Variants in LRIG2 observed in about 807,000 individuals in gnomAD.
LRIG2 encodes the protein leucine rich repeats and immunoglobulin like domains 2.
Under a neutral mutation model 107.8 loss-of-function variants are expected in LRIG2, and 93 were observed. The observed-to-expected ratio is 0.86, with a 90% CI of 0.73 to 1.03. The LOEUF is 1.03. Ranked by LOEUF, LRIG2 falls within the 50% of genes least tolerant of loss-of-function variation. The probability of loss-of-function intolerance (pLI) is 0.00; values close to 1 mark genes in which losing one functional copy is unlikely to be tolerated. For synonymous variants in LRIG2, 471 were observed against 470.6 expected, an observed-to-expected ratio of 1.00 and a Z score of -0.01; for missense variants, 1,226 against 1,296.0, an observed-to-expected ratio of 0.95 and a Z score of 0.83.
chr1:113,110,091 C>G (rs1654705678), intron 12 of LRIG2, 151 bp from the exon 13 acceptor site: 2 of 573,540 alleles, frequency 3.5e-6, no homozygotes, highest in Non-Finnish European at 6.0e-6. Flanking sequence ...CATCTTTAAA[C>G]AAGGGAATTG....
At chr1:113,088,153 A>T (rs1223789048) in intron 1 of LRIG2, among the ~76,000 whole-genome samples, 3 of 152,152 alleles carry the variant, frequency 2.0e-5, no homozygotes, top group Non-Finnish European at 2.9e-5. Flanking sequence ...ATCTTAATAA[A>T]TGTGGGTTTG....
rs1249067262 is a variant in LRIG2 at position 113,095,860 on chromosome 1, C to T, written c.804-14C>T. On this transcript the variant is annotated splice_polypyrimidine_tract_variant and intron_variant, in intron 6 of 17. Transcript: ENST00000361127. ...TTTTGGAACGTATTTTCTTCTCTTT[C>T]TCTAATTCTGCAGAGAACTGGAACA... The T allele has an allele frequency of 5.6e-6, 9 of 1,613,994 alleles. No homozygotes were observed. Among genetic ancestry groups the T allele is most frequent in the Non-Finnish European group, 5.9e-6 (7 of 1,179,902 alleles).
At chr1:113,121,683 C>T (rs957474447) in intron 17 of LRIG2, among the ~76,000 whole-genome samples, 3 of 150,712 alleles carry the variant, frequency 2.0e-5, no homozygotes, top group Non-Finnish European at 3.0e-5. Context: ...GCGGAGCTTG[C>T]AGTGAGCTGA....
chr1:113,087,796 G>A (rs182029532), intron 1 of LRIG2, among the ~76,000 whole-genome samples: 16 of 152,292 alleles, frequency 1.1e-4, no homozygotes, highest in African/African-American at 2.4e-4. Flanking sequence ...GAAATTAGGC[G>A]TAAAAGCTAA....
chr1:113,105,074 A>T (rs1008715582), intron 11 of LRIG2, among the ~76,000 whole-genome samples: 1 of 152,028 alleles, frequency 6.6e-6, no homozygotes, highest in Non-Finnish European at 1.5e-5. Flanking sequence ...TGAACCTGGG[A>T]GGTGGAGGTT....
In LRIG2 at chr1:113,095,874, A is replaced by G. The variant is rs761303923; in HGVS notation, c.804A>G (p.Leu268=). 6.2e-7 allele frequency: 1 copy of G among 1,614,182 alleles called. No individual in the cohort carries two copies. Residue 268 remains leucine (L), a splice_region_variant and synonymous_variant, in exon 7 of 18, where the codon CTA becomes CTG. Transcript: ENST00000361127. ...TTCTTCTCTTTCTCTAATTCTGCAGAGAACTGGAACACAACAACCTTACAC... is the reference window on the plus strand; with the variant it reads ...TTCTTCTCTTTCTCTAATTCTGCAGGGAACTGGAACACAACAACCTTACAC... ...AFFGLNNMEE[L]ELEHNNLTRV... is the part of the protein sequence containing the mutation.
intron 8 of LRIG2, among the ~76,000 whole-genome samples, chr1:113,097,951 T>C (rs1265437677): frequency 6.6e-6 from 1 of 152,220 alleles, no homozygotes; most frequent in Non-Finnish European, 1.5e-5. Context: ...ATCTCCTCTT[T>C]ACTGCTAATC....
In LRIG2 at chr1:113,119,445, A is replaced by G. The variant is rs753079976; in HGVS notation, c.2893A>G (p.Asn965Asp). 1.2e-6 allele frequency: 2 copies of G among 1,614,180 alleles called. No individual in the cohort carries two copies. Among genetic ancestry groups the G allele is most frequent in the Non-Finnish European group, 1.7e-6 (2 of 1,180,038 alleles). ...CCTAGAGAGCCTGATACCGTCAGCC[A>G]ACAGAGAGCCATCTGCCTTTCCCAC... ...TALESLIPSA[N>D]REPSAFPTNH... is the part of the protein sequence containing the mutation. Residue 965 changes from asparagine (N) to aspartate (D), a missense_variant, in exon 17 of 18, where the codon AAC becomes GAC. This residue lies in a region of LRIG2 where 642 missense variants were observed against 712.2 expected (regional missense o/e 0.90). Coordinates refer to ENST00000361127, the MANE Select transcript of LRIG2 (RefSeq NM_014813.3).
At chr1:113,119,126 C>CAGAGACTTA in intron 16 of LRIG2, 107 bp from the exon 17 acceptor site, 1 of 995,548 alleles carries the variant, frequency 1.0e-6, no homozygotes, top group Non-Finnish European at 1.5e-6. Flanking sequence ...AAAGTAAGTG[C>CAGAGACTTA]TCAATACATG....
Position 113,125,523 on chromosome 1 carries a change from G to A in LRIG2, c.*1422G>A, listed in dbSNP as rs1655455135. ...TGAGGAAGGTTCAGTCATTCCTTCA[G>A]GAACCAATGAGTTAGATCGGGTTGT... On this transcript the variant is annotated 3_prime_UTR_variant, in exon 18 of 18. Coordinates refer to ENST00000361127, the MANE Select transcript of LRIG2 (RefSeq NM_014813.3). 1 of 152,092 alleles carries A rather than the reference G, an allele frequency of 6.6e-6. No individual in the cohort carries two copies. The highest frequency in any genetic ancestry group is 1.5e-5 in the Non-Finnish European group (1 of 68,016). 9.4% of individuals were successfully genotyped at this position (152,092 alleles called of 1,614,324 possible).
chr1:113,111,718 T>G (rs1654782527), intron 13 of LRIG2, among the ~76,000 whole-genome samples: 1 of 152,248 alleles, frequency 6.6e-6, no homozygotes, highest in Non-Finnish European at 1.5e-5. Flanking sequence ...CCAAAAGATG[T>G]ACTTATGTTT....
chr1:113,094,793 A>T (rs367719999), intron 6 of LRIG2, 38 bp downstream of exon 6: 14 of 1,598,808 alleles, frequency 8.8e-6, no homozygotes, highest in Non-Finnish European at 1.2e-5. Context: ...TTAGGAAAGT[A>T]GTCTGTTTGG....
At chr1:113,095,654 A>G (rs1348353647) in intron 6 of LRIG2, among the ~76,000 whole-genome samples, 2 of 151,752 alleles carry the variant, frequency 1.3e-5, no homozygotes, top group Non-Finnish European at 2.9e-5. Flanking sequence ...TGATCCGCCC[A>G]CCTCGGCCTC....
At chr1:113,123,088 TTTG>T (rs1454390037) in intron 17 of LRIG2, among the ~76,000 whole-genome samples, 2 of 152,172 alleles carry the variant, frequency 1.3e-5, no homozygotes, top group African/African-American at 4.8e-5. Flanking sequence ...TTGACTATCA[TTTG>T]TTGTTAGAAT....
chr1:113,110,630 TGA>T, intron 13 of LRIG2, 68 bp downstream of exon 13: 2 of 1,156,108 alleles, frequency 1.7e-6, no homozygotes, highest in Admixed American at 4.4e-5. Flanking sequence ...TTGAATCACT[TGA>T]GAGAATTAGA....
At chr1:113,092,220 G>A (rs1653860710) in intron 2 of LRIG2, among the ~76,000 whole-genome samples, 1 of 152,176 alleles carries the variant, frequency 6.6e-6, no homozygotes, top group Non-Finnish European at 1.5e-5. Context: ...AACTTTGGTT[G>A]GTTTCCTGAA....
chr1:113,077,187 C>T (rs2101011779), intron 1 of LRIG2, among the ~76,000 whole-genome samples: 1 of 151,908 alleles, frequency 6.6e-6, no homozygotes, highest in Middle Eastern at 3.4e-3. Context: ...CACTTTCGCC[C>T]AGGCTGGAGT....
intron 1 of LRIG2, among the ~76,000 whole-genome samples, chr1:113,082,679 A>T (rs902776799): frequency 6.6e-6 from 1 of 152,074 alleles, no homozygotes; most frequent in Non-Finnish European, 1.5e-5. Flanking sequence ...TTTGAGACGA[A>T]GTCTCTCTCT....
chr1:113,096,376 C>T lies in LRIG2; in HGVS notation c.1091+11C>T. On this transcript the variant is annotated intron_variant, in intron 8 of 17. Coordinates refer to ENST00000361127, the MANE Select transcript of LRIG2 (RefSeq NM_014813.3). ...CAATCTTCAGACATTGTAAGTATAT[C>T]CATTCTCCTTTTTGGTTGTTGTTAC... 1 of 1,605,168 alleles carries T rather than the reference C, an allele frequency of 6.2e-7. No homozygotes were observed. The highest frequency in any genetic ancestry group is 2.2e-5 in the East Asian group (1 of 44,808).
Sources: allele counts gnomAD v4.1 joint callset (sites outside exome capture counted in the v4.1 genomes callset), GRCh38; gene constraint gnomAD v4.1.1; regional missense constraint gnomAD v4.1.1; transcripts MANE v1.5; gene names NCBI Gene and HGNC (gene_info 2026-07-23, HGNC 2026-07-21).